Variants in DNAH11 observed in about 807,000 individuals in gnomAD.
DNAH11 encodes axonemal beta dynein heavy chain 11.
DNAH11 carries 442 observed loss-of-function variants against 526.0 expected under a neutral mutation model. That is an observed-to-expected ratio of 0.84 (90% CI 0.78 to 0.91). DNAH11 has a LOEUF of 0.91. DNAH11 is among the 40% of genes least tolerant of loss of function. DNAH11 has a pLI of 0.00. For synonymous variants in DNAH11, 2,461 were observed against 1,935.9 expected, an observed-to-expected ratio of 1.27 and a Z score of -7.12; for missense variants, 6,989 against 5,448.7, an observed-to-expected ratio of 1.28 and a Z score of -8.90.
At chr7:21,617,572 C>T (rs753514438) in intron 22 of DNAH11, 47 bp from the exon 23 acceptor site, 11 of 1,596,884 alleles carry the variant, frequency 6.9e-6, no homozygotes, top group Non-Finnish European at 8.6e-7. Context: ...TTAATATATA[C>T]TGTGTTATAT....
chr7:21,900,188 GCTTA>G, intron 81 of DNAH11, 68 bp downstream of exon 81: 2 of 1,479,226 alleles, frequency 1.4e-6, no homozygotes, highest in South Asian at 1.5e-5. Flanking sequence ...TTTGTCCTCT[GCTTA>G]CTGTTTCTCA....
chr7:21,746,139 G>T (rs765238449), intron 51 of DNAH11, among the ~76,000 whole-genome samples: 1 of 152,260 alleles, frequency 6.6e-6, no homozygotes, highest in East Asian at 1.9e-4. Flanking sequence ...ATTGTGTCTG[G>T]GCTAAACAGC....
Position 21,698,100 on chromosome 7 carries a change from A to G in DNAH11, c.6067A>G (p.Ile2023Val), listed in dbSNP as rs72657339. ...FRPCAMVAPD[I>V]ELICEILLVA... ...ACCCTGTGCCATGGTGGCCCCTGAC[A>G]TTGAGCTAATCTGTGAAATCTTGTT... Residue 2023 changes from isoleucine to valine, a missense_variant, in exon 36 of 82, where the codon ATT becomes GTT. Transcript: ENST00000409508. 1.1e-3 allele frequency: 1,826 copies of G among 1,613,084 alleles called. 36 individuals are homozygous for G. In the East Asian group the frequency reaches 0.032, roughly 28 times the overall value.
At chr7:21,618,705 G>A (rs1442565721) in intron 23 of DNAH11, among the ~76,000 whole-genome samples, 1 of 152,178 alleles carries the variant, frequency 6.6e-6, no homozygotes, top group Non-Finnish European at 1.5e-5. Flanking sequence ...TATGTTCAGT[G>A]AATAGGGTTC....
intron 2 of DNAH11, among the ~76,000 whole-genome samples, chr7:21,548,501 A>G (rs1056465995): frequency 2.0e-5 from 3 of 152,218 alleles, no homozygotes; most frequent in African/African-American, 4.8e-5. Flanking sequence ...GTTAACATAT[A>G]TATTGGGATT....
At chr7:21,695,061 G>T (rs1282645578) in intron 35 of DNAH11, among the ~76,000 whole-genome samples, 1 of 152,128 alleles carries the variant, frequency 6.6e-6, no homozygotes, top group Non-Finnish European at 1.5e-5. Context: ...TCTTCAAGGA[G>T]AACTACAAAC....
At chr7:21,711,154 C>G (rs772769387) in intron 41 of DNAH11, among the ~76,000 whole-genome samples, 3 of 152,060 alleles carry the variant, frequency 2.0e-5, no homozygotes, top group Non-Finnish European at 4.4e-5. Context: ...GCATTCCCAG[C>G]AAAAACAAAA....
chr7:21,608,051 T>C (rs1216996997), intron 20 of DNAH11, among the ~76,000 whole-genome samples: 2 of 151,936 alleles, frequency 1.3e-5, no homozygotes, highest in Non-Finnish European at 2.9e-5. Context: ...TTTTTTTTTT[T>C]TTTTAATCAG....
At chr7:21,849,332 CT>C (rs1197880794) in intron 66 of DNAH11, among the ~76,000 whole-genome samples, 1 of 152,198 alleles carries the variant, frequency 6.6e-6, no homozygotes, top group Non-Finnish European at 1.5e-5. Context: ...GACTGTATTG[CT>C]TTTATTACTG....
chr7:21,557,420 T>C (rs1206636127), intron 2 of DNAH11, among the ~76,000 whole-genome samples: 3 of 152,178 alleles, frequency 2.0e-5, no homozygotes, highest in African/African-American at 7.2e-5. Context: ...AAGTTCAAAA[T>C]CAAGCCAGTA....
At position 21,822,071 on chromosome 7, in the gene DNAH11, G is replaced by T. The variant is rs555737414; in HGVS notation, c.10691+3732G>T. On this transcript the variant is annotated intron_variant, in intron 65 of 81. Coordinates refer to ENST00000409508, the MANE Select transcript of DNAH11 (RefSeq NM_001277115.2). Reference sequence around the variant, plus strand: ...TTTTATGGATGAATAGTATTTCACTGTGTATATATACCACAATTTCTTTAC... The same window carrying T: ...TTTTATGGATGAATAGTATTTCACTTTGTATATATACCACAATTTCTTTAC... 2.0e-5 allele frequency among the ~76,000 whole-genome samples: 3 copies of T among 152,188 alleles called. No homozygotes were observed. The South Asian group carries it at 6.2e-4, about 32-fold the overall frequency.
In DNAH11 at chr7:21,664,625, AT is replaced by A. The variant is rs554034939; in HGVS notation, c.5328+5599del. Among the ~76,000 whole-genome samples, 391 of 151,930 alleles carry A rather than the reference AT, an allele frequency of 2.6e-3. 2 individuals are homozygous for A. Among genetic ancestry groups the A allele is most frequent in the African/African-American group, 8.2e-3 (340 of 41,448 alleles). The stretch of plus-strand genomic sequence containing the variant: ...AGGTGCATACTACCACAGCTGACTA[AT>A]TTTTGTTTTTTTCTTATGGAGAGGT... On this transcript the variant is annotated intron_variant, in intron 30 of 81. Transcript: ENST00000409508.
intron 2 of DNAH11, among the ~76,000 whole-genome samples, chr7:21,552,620 C>T (rs1317500101): frequency 6.6e-6 from 1 of 152,178 alleles, no homozygotes; most frequent in African/African-American, 2.4e-5. Flanking sequence ...CAACTGGGTT[C>T]CCCTGGAAGG....
intron 45 of DNAH11, among the ~76,000 whole-genome samples, chr7:21,731,657 T>G (rs539049589): frequency 6.6e-6 from 1 of 152,198 alleles, no homozygotes; most frequent in Non-Finnish European, 1.5e-5. Context: ...TTCTGAGGTT[T>G]TGGTTTGGTC....
chr7:21,548,340 C>T (rs1782883383), intron 2 of DNAH11, among the ~76,000 whole-genome samples: 1 of 152,140 alleles, frequency 6.6e-6, no homozygotes, highest in African/African-American at 2.4e-5. Context: ...CTTAGTATAA[C>T]TGATGAATTT....
chr7:21,560,667 C>T (rs1349191797), intron 4 of DNAH11, among the ~76,000 whole-genome samples: 1 of 152,206 alleles, frequency 6.6e-6, no homozygotes, highest in African/African-American at 2.4e-5. Context: ...TCTATTCTTG[C>T]TGCTCTGGCA....
At chr7:21,653,214 C>G (rs908320420) in intron 28 of DNAH11, among the ~76,000 whole-genome samples, 5 of 152,036 alleles carry the variant, frequency 3.3e-5, no homozygotes, top group African/African-American at 1.2e-4. Flanking sequence ...AAGGCCTTTC[C>G]GAACAGCTCA....
chr7:21,841,313 GATATAC>G (rs1782195704), intron 65 of DNAH11, among the ~76,000 whole-genome samples: 1 of 151,950 alleles, frequency 6.6e-6, no homozygotes, highest in Non-Finnish European at 1.5e-5. Context: ...TATATATACA[GATATAC>G]ATAAACACAT....
At chr7:21,642,869 T>C (rs1787189084) in intron 28 of DNAH11, among the ~76,000 whole-genome samples, 1 of 152,050 alleles carries the variant, frequency 6.6e-6, no homozygotes, top group Non-Finnish European at 1.5e-5. Context: ...ATACAAGAGT[T>C]GGAATGACAG....
Sources: allele counts gnomAD v4.1 joint callset (sites outside exome capture counted in the v4.1 genomes callset), GRCh38; gene constraint gnomAD v4.1.1; transcripts MANE v1.5; gene names NCBI Gene and HGNC (gene_info 2026-07-23, HGNC 2026-07-21).